DCT: variants seen among roughly 807,000 people sequenced by gnomAD.
The protein encoded by DCT is dopachrome tautomerase.
DCT carries 47 observed loss-of-function variants against 53.0 expected under a neutral mutation model. The observed-to-expected ratio is 0.89, with a 90% CI of 0.70 to 1.13. The LOEUF is 1.13. Among genes scored for constraint, DCT ranks in the 50% most tolerant of loss-of-function variants. The pLI, the probability that DCT is intolerant of heterozygous loss-of-function variation, is 0.00. For synonymous variants in DCT, 244 were observed against 237.0 expected (o/e 1.03, Z -0.27); for missense variants, 669 against 637.4 (o/e 1.05, Z -0.53).
At chr13:94,475,809 G>A (rs116097439) in intron 1 of DCT, among the ~76,000 whole-genome samples, 16 of 152,336 alleles carry the variant, frequency 1.1e-4, no homozygotes, top group South Asian at 4.1e-4. Flanking sequence ...TATTGTGCAC[G>A]TTAATTATGT....
the DCT span, among the ~76,000 whole-genome samples, chr13:94,507,769 G>A: frequency 6.6e-6 from 1 of 152,044 alleles, no homozygotes; most frequent in Admixed American, 6.6e-5. Flanking sequence ...CAAAGTGCTG[G>A]GATTATAGGC....
chr13:94,471,611 T>C (rs1884648412), intron 1 of DCT, among the ~76,000 whole-genome samples: 1 of 152,202 alleles, frequency 6.6e-6, no homozygotes, highest in Admixed American at 6.5e-5. Context: ...TTACTAAAAC[T>C]GTATGTATTA....
intron 6 of DCT, chr13:94,452,654 A>T (rs1325320705): frequency 5.2e-6 from 4 of 764,494 alleles, no homozygotes; most frequent in Non-Finnish European, 9.7e-6. Context: ...GCAAACGATT[A>T]GAAATCACCT....
chr13:94,446,228 T>C (rs1042364708), intron 6 of DCT, among the ~76,000 whole-genome samples: 1 of 152,150 alleles, frequency 6.6e-6, no homozygotes, highest in African/African-American at 2.4e-5. Flanking sequence ...ATAATATATA[T>C]TAGGTACCTA....
chr13:94,491,433 C>T, the DCT span, among the ~76,000 whole-genome samples: 1 of 152,066 alleles, frequency 6.6e-6, no homozygotes, highest in African/African-American at 2.4e-5. Flanking sequence ...AGTATGACCT[C>T]ATCTTAATTA....
chr13:94,452,495 G>A (rs542730999), intron 6 of DCT: 1 of 637,364 alleles, frequency 1.6e-6, no homozygotes, highest in African/African-American at 1.9e-5. Context: ...GTGACACACA[G>A]GTATTAGGAG....
At chr13:94,481,336 A>G (rs999984956), upstream of DCT, among the ~76,000 whole-genome samples, 2 of 152,172 alleles carry the variant, frequency 1.3e-5, no homozygotes, top group Non-Finnish European at 2.9e-5. Flanking sequence ...CTAACACATC[A>G]TGGGTGGGAA....
chr13:94,548,289 C>G, the DCT span, among the ~76,000 whole-genome samples: 1 of 151,786 alleles, frequency 6.6e-6, no homozygotes, highest in Non-Finnish European at 1.5e-5. Context: ...AATGCTGGCT[C>G]GTAGTGGGAG....
At chr13:94,472,517 CATACATAT>C (rs1247026946) in intron 1 of DCT, among the ~76,000 whole-genome samples, 2,593 of 47,488 alleles carry the variant, frequency 0.055, 212 homozygotes, top group Non-Finnish European at 0.068. Flanking sequence ...TATATACATA[CATACATAT>C]ATATATATAT....
chr13:94,523,872 A>ATT, the DCT span, among the ~76,000 whole-genome samples: 1,665 of 149,334 alleles, frequency 0.011, 27 homozygotes, highest in African/African-American at 0.039. Context: ...TGAGGACTCC[A>ATT]TTTTTTTTTT....
intron 2 of DCT, chr13:94,468,457 C>A: frequency 3.4e-6 from 1 of 297,874 alleles, no homozygotes; most frequent in Non-Finnish European, 6.3e-6. Context: ...CTCCACCTCA[C>A]CAACTCACAT....
the DCT span, among the ~76,000 whole-genome samples, chr13:94,541,283 C>A: frequency 6.6e-6 from 1 of 152,082 alleles, no homozygotes; most frequent in Non-Finnish European, 1.5e-5. Flanking sequence ...GCAGGTGGAT[C>A]ACCTGAAGTC....
the DCT span, among the ~76,000 whole-genome samples, chr13:94,545,641 C>T: frequency 6.6e-6 from 1 of 152,076 alleles, no homozygotes; most frequent in Non-Finnish European, 1.5e-5. Context: ...TAAAGCTCTC[C>T]CACTCCCCTG....
chr13:94,464,654 C>G (rs1004326821), intron 4 of DCT, among the ~76,000 whole-genome samples: 7 of 142,184 alleles, frequency 4.9e-5, no homozygotes, highest in Admixed American at 4.8e-4. Flanking sequence ...AACAAAAAAA[C>G]AAAAAACAAA....
chr13:94,542,653 C>T, the DCT span, among the ~76,000 whole-genome samples: 5 of 152,174 alleles, frequency 3.3e-5, no homozygotes, highest in African/African-American at 4.8e-5. Context: ...CGAAGTTCTC[C>T]GATTTTTACT....
At chr13:94,476,180 CTTTTTTTT>C (rs529819051) in intron 1 of DCT, among the ~76,000 whole-genome samples, 5 of 72,732 alleles carry the variant, frequency 6.9e-5, no homozygotes, top group South Asian at 5.8e-4. Flanking sequence ...GGGGGAGCCT[CTTTTTTTT>C]TTTTTTTTTT....
In DCT at chr13:94,466,591, C is replaced by T; in HGVS notation, c.663G>A (p.Arg221=). The T allele has an allele frequency of 6.2e-6, 10 of 1,611,634 alleles. No individual in the cohort carries two copies. The highest frequency in any genetic ancestry group is 1.7e-4 in the Middle Eastern group (1 of 6,048). Residue 221 remains arginine, a synonymous_variant, in exon 3 of 8, where the codon CGG becomes CGA. Coordinates refer to ENST00000377028, the MANE Select transcript of DCT (RefSeq NM_001922.5). ...HQGPAFVTWH[R]YHLLCLERDL... ...CTCTTTCCAGACACAACAAATGGTA[C>T]CGGTGCCAGGTAACAAATGCAGGTC...
chr13:94,485,883 C>T, the DCT span, among the ~76,000 whole-genome samples: 1 of 152,294 alleles, frequency 6.6e-6, no homozygotes, highest in East Asian at 1.9e-4. Context: ...TTGTGAAGTG[C>T]TCAATGTCAT....
At chr13:94,522,821 G>T in the DCT span, among the ~76,000 whole-genome samples, 1 of 152,152 alleles carries the variant, frequency 6.6e-6, no homozygotes, top group Admixed American at 6.5e-5. Flanking sequence ...AGGTTATATA[G>T]CCATATAGTT....
Sources: allele counts gnomAD v4.1 joint callset (sites outside exome capture counted in the v4.1 genomes callset), GRCh38; gene constraint gnomAD v4.1.1; transcripts MANE v1.5; gene names NCBI Gene and HGNC (gene_info 2026-07-23, HGNC 2026-07-21).